Variants in SCTR observed in about 807,000 individuals in gnomAD.
SCTR encodes the protein pancreatic secretin receptor.
SCTR carries 56 observed loss-of-function variants against 60.8 expected under a neutral mutation model. That is an observed-to-expected ratio of 0.92 (90% CI 0.74 to 1.15). SCTR has a LOEUF of 1.15. SCTR is among the 50% of genes most tolerant of loss of function. The probability of loss-of-function intolerance (pLI) is 0.00; values close to 1 mark genes in which losing one functional copy is unlikely to be tolerated. For synonymous variants in SCTR, 202 were observed against 217.0 expected (o/e 0.93, Z 0.61); for missense variants, 562 against 550.4 (o/e 1.02, Z -0.21).
At chr2:119,478,338 G>T (rs1677430301) in intron 3 of SCTR, among the ~76,000 whole-genome samples, 1 of 152,192 alleles carries the variant, frequency 6.6e-6, no homozygotes, top group South Asian at 2.1e-4. Flanking sequence ...CTTCTGGTAA[G>T]ACAACCCCTC....
rs111774923 is a variant in SCTR at position 119,456,262 on chromosome 2, G to A, written c.791-2915C>T. ...TTTAGTAGAGACAGGGTTTCAACACGTTGGCCAGGATGGTCTCGAACTCCT... is the reference window on the plus strand; with the variant it reads ...TTTAGTAGAGACAGGGTTTCAACACATTGGCCAGGATGGTCTCGAACTCCT... On this transcript the variant is annotated intron_variant, in intron 7 of 12. Coordinates refer to ENST00000019103, the MANE Select transcript of SCTR (RefSeq NM_002980.3). Among the ~76,000 whole-genome samples the A allele has an allele frequency of 2.7e-3, 411 of 151,920 alleles. 1 individual carries two copies. Among genetic ancestry groups the A allele is most frequent in the Non-Finnish European group, 5.0e-3 (337 of 67,986 alleles).
rs553699524 is a variant in SCTR, at chr2:119,484,203, G to A, written c.194-5285C>T. Among the ~76,000 whole-genome samples, 81 of 152,284 alleles carry A rather than the reference G, an allele frequency of 5.3e-4. No homozygotes were observed. In the South Asian group the frequency reaches 0.015, roughly 28 times the overall value. ...ACTGAGCCACGAGGGAGGGGTCACC[G>A]CCCCAGGAGAGCCAGGGCTAGAAGG... On this transcript the variant is annotated intron_variant, in intron 2 of 12. Coordinates refer to ENST00000019103, the MANE Select transcript of SCTR (RefSeq NM_002980.3).
intron 4 of SCTR, among the ~76,000 whole-genome samples, 191 bp downstream of exon 4, chr2:119,473,262 C>T (rs1427004744): frequency 1.3e-5 from 2 of 152,154 alleles, no homozygotes; most frequent in Non-Finnish European, 1.5e-5. Context: ...GGTCGATAGA[C>T]CAGGGCAGTG....
intron 1 of SCTR, among the ~76,000 whole-genome samples, chr2:119,513,982 G>T (rs1248305708): frequency 2.6e-5 from 4 of 152,212 alleles, no homozygotes; most frequent in Non-Finnish European, 5.9e-5. Flanking sequence ...AAGTGCTTAA[G>T]TTGTAAACTG....
In SCTR at chr2:119,524,169, A is replaced by G; in HGVS notation, c.58T>C (p.Cys20Arg). The stretch of plus-strand genomic sequence containing the variant: ...GCAGTACTCACCGAGTGCGCGGCGC[A>G]GGCGAGCAGCACCGGCAGTAGTAGC... ...QQLLLPVLLA[C>R]AAHSTGALPR... is the part of the protein sequence containing the mutation. The change falls in exon 1 of 13, where the codon TGC becomes CGC. Residue 20 changes from cysteine (C) to arginine (R), a missense_variant. Cys to Arg is a radical substitution (Grantham distance 180, BLOSUM62 -3). Coordinates refer to ENST00000019103, the MANE Select transcript of SCTR (RefSeq NM_002980.3). The G allele has an allele frequency of 6.5e-7, 1 of 1,536,228 alleles. No homozygotes were observed.
chr2:119,463,361 T>C (rs1683694889), intron 6 of SCTR, among the ~76,000 whole-genome samples: 1 of 152,182 alleles, frequency 6.6e-6, no homozygotes, highest in South Asian at 2.1e-4. Context: ...ACGTTTTACC[T>C]TTCTCCTTCT....
Position 119,494,485 on chromosome 2 carries a change from G to A in SCTR, c.136C>T (p.Leu46=). 1.2e-6 allele frequency: 2 copies of A among 1,614,088 alleles called. No homozygotes were observed. The highest frequency in any genetic ancestry group is 1.7e-6 in the Non-Finnish European group (2 of 1,179,974). The part of the protein sequence containing the change: ...QVLWEEQDQC[L]QELSREQTGD... ...GTCTGCTCTCTGGAGAGTTCCTGCA[G>A]GCACTGGTCTTGCTCTTCCCACAGC... The change falls in exon 2 of 13, where the codon CTG becomes TTG. Residue 46 remains leucine (L), a synonymous_variant. Coordinates refer to ENST00000019103, the MANE Select transcript of SCTR (RefSeq NM_002980.3).
intron 4 of SCTR, among the ~76,000 whole-genome samples, chr2:119,467,257 T>A (rs1306875482): frequency 6.6e-6 from 1 of 151,932 alleles, no homozygotes; most frequent in Non-Finnish European, 1.5e-5. Flanking sequence ...CGTGCACCTG[T>A]AATCCCAGCT....
At chr2:119,459,822 T>C (rs192503829) in intron 7 of SCTR, among the ~76,000 whole-genome samples, 140 of 152,346 alleles carry the variant, frequency 9.2e-4, no homozygotes, top group Non-Finnish European at 1.3e-3. Flanking sequence ...GAATGTTGAA[T>C]AAATTATGGT....
intron 1 of SCTR, among the ~76,000 whole-genome samples, chr2:119,503,425 C>T (rs1678622920): frequency 6.6e-6 from 1 of 151,932 alleles, no homozygotes; most frequent in Non-Finnish European, 1.5e-5. Context: ...TAAAAATTAG[C>T]CTGGCATGGT....
intron 2 of SCTR, chr2:119,486,608 A>G (rs1359578743): frequency 6.6e-6 from 1 of 152,214 alleles, no homozygotes; most frequent in East Asian, 1.9e-4. Flanking sequence ...GTTATCAGTC[A>G]TTCACAGCTC....
intron 4 of SCTR, among the ~76,000 whole-genome samples, chr2:119,472,963 C>T (rs555523004): frequency 6.6e-6 from 1 of 152,276 alleles, no homozygotes; most frequent in African/African-American, 2.4e-5. Context: ...TGTGACCAGG[C>T]GCCCAACTCA....
intron 2 of SCTR, chr2:119,486,979 G>T (rs147154736): frequency 6.6e-6 from 1 of 152,218 alleles, no homozygotes; most frequent in Non-Finnish European, 1.5e-5. Flanking sequence ...GCCAGCATGC[G>T]TGAAGAACTG....
At chr2:119,497,034 T>C (rs1678376626) in intron 1 of SCTR, among the ~76,000 whole-genome samples, 1 of 152,194 alleles carries the variant, frequency 6.6e-6, no homozygotes, top group African/African-American at 2.4e-5. Context: ...CAACCCATGA[T>C]ATCAGTGGAA....
Position 119,483,959 on chromosome 2 carries a change from G to A in SCTR, c.194-5041C>T, listed in dbSNP as rs548877738. 4.3e-3 allele frequency among the ~76,000 whole-genome samples: 660 copies of A among 152,166 alleles called. 7 individuals carry two copies. The highest frequency in any genetic ancestry group is 5.4e-3 in the Non-Finnish European group (364 of 68,018). On this transcript the variant is annotated intron_variant, in intron 2 of 12. Coordinates refer to ENST00000019103, the MANE Select transcript of SCTR (RefSeq NM_002980.3). ...ACTCCCCAGTCCCCCAAGCCAAGCA[G>A]GAATGGGAGGCAGGGGAGAGCGCTC...
chr2:119,467,372 CAA>C (rs554916912), intron 4 of SCTR, among the ~76,000 whole-genome samples: 7 of 85,484 alleles, frequency 8.2e-5, no homozygotes, highest in Admixed American at 2.6e-4. Flanking sequence ...GACCCTGTCT[CAA>C]AAAAAAAAAA....
chr2:119,500,975 A>T (rs933739210), intron 1 of SCTR, among the ~76,000 whole-genome samples: 1 of 152,194 alleles, frequency 6.6e-6, no homozygotes, highest in Non-Finnish European at 1.5e-5. Flanking sequence ...AATGTATATG[A>T]TTATCACATG....
chr2:119,474,646 AG>A (rs1158128203), intron 3 of SCTR, among the ~76,000 whole-genome samples: 2 of 152,186 alleles, frequency 1.3e-5, no homozygotes, highest in African/African-American at 4.8e-5. Context: ...CACAGTCTCC[AG>A]GGGCTGGGCC....
chr2:119,455,256 G>C (rs1314053738), intron 7 of SCTR, among the ~76,000 whole-genome samples: 4 of 152,178 alleles, frequency 2.6e-5, no homozygotes, highest in African/African-American at 9.7e-5. Flanking sequence ...CCCAGACAAA[G>C]AGCCTATAGA....
Sources: gnomAD v4.1 joint callset for allele counts (sites outside exome capture counted in the v4.1 genomes callset) on GRCh38, gnomAD v4.1.1 for gene constraint, MANE v1.5 for transcripts, NCBI Gene and HGNC (gene_info 2026-07-23, HGNC 2026-07-21) for gene names.